The following MED12 variants were observed in gnomAD, a reference collection of about 807,000 sequenced individuals.
MED12 encodes the protein mediator complex subunit 12.
A neutral mutation model predicts 177.7 loss-of-function variants in MED12; 10 were observed. The ratio of observed to expected loss-of-function variants is 0.06; its 90% CI spans 0.03 to 0.10. The LOEUF is 0.10. Ranked by LOEUF, MED12 falls within the 10% of genes least tolerant of loss-of-function variation. MED12 has a pLI of 1.00. For synonymous variants in MED12, 641 were observed against 678.4 expected, an observed-to-expected ratio of 0.94 and a Z score of 0.86; for missense variants, 867 against 1,780.8, an observed-to-expected ratio of 0.49 and a Z score of 9.23.
At position 71,131,997 on chromosome X, in the gene MED12, C is replaced by T. The variant is rs1359759094; in HGVS notation, c.4120-76C>T. On this transcript the variant is annotated intron_variant, in intron 29 of 44. Coordinates refer to ENST00000374080, the MANE Select transcript of MED12 (RefSeq NM_005120.3). ...CAGTGTTGTCCTTCTCCGTCATCTC[C>T]GATCTCTCCTACCATCTGCTTTCCT... 45 of 970,259 alleles carry T rather than the reference C, an allele frequency of 4.6e-5. No homozygotes were observed. In the East Asian group the frequency reaches 7.7e-4, roughly 17 times the overall value. The allele number at this position is 970,259 out of a possible 1,213,427, so 80.0% of individuals were successfully genotyped here. A position where few individuals can be genotyped will look rare whatever the true frequency, so the allele number is the denominator to read the frequency against.
At chrX:71,135,324 T>C in intron 36 of MED12, 71 bp downstream of exon 36, 1 of 1,119,980 alleles carries the variant, frequency 8.9e-7, no homozygotes, top group East Asian at 3.0e-5. Context: ...CTGCATCAGC[T>C]TTGTAGCTCC....
chrX:71,123,618 G>A lies in MED12; in HGVS notation c.1642G>A (p.Asp548Asn). ...GCGTTGTGGAGAATCAGAAGCCGCA[G>A]ATGAGAAGGGTTCCATCGCCTCTGG... The part of the protein sequence containing the change: ...AERCGESEAA[D>N]EKGSIASGSL... The change falls in exon 12 of 45, where the codon GAT becomes AAT. Residue 548 changes from aspartate (D) to asparagine (N), a missense_variant. By Grantham distance (23) the Asp-to-Asn change is conservative. Coordinates refer to ENST00000374080, the MANE Select transcript of MED12 (RefSeq NM_005120.3). The A allele has an allele frequency of 8.3e-7, 1 of 1,211,279 alleles. No individual in the cohort carries two copies. Among genetic ancestry groups the A allele is most frequent in the Non-Finnish European group, 1.1e-6 (1 of 895,174 alleles).
rs1350628654 is a variant in MED12 at position 71,129,747 on chromosome X, G to T, written c.3759G>T (p.Glu1253Asp). Residue 1253 changes from glutamate to aspartate, a missense_variant, in exon 27 of 45, where the codon GAG becomes GAT. Coordinates refer to ENST00000374080, the MANE Select transcript of MED12 (RefSeq NM_005120.3). ...TGGTEELPEE[E>D]GGGGSGGRRQ... is the part of the protein sequence containing the mutation. ...GAACAGAAGAACTTCCAGAGGAGGA[G>T]GGAGGAGGTGGCAGTGGTGGTCGGA... 8.3e-7 allele frequency: 1 copy of T among 1,204,726 alleles called. No homozygotes were observed. Among genetic ancestry groups the T allele is most frequent in the Non-Finnish European group, 1.1e-6 (1 of 892,429 alleles).
chrX:71,139,486 G>A (rs2092341103), intron 41 of MED12, among the ~76,000 whole-genome samples: 1 of 110,752 alleles, frequency 9.0e-6, no homozygotes, highest in South Asian at 3.8e-4. Flanking sequence ...ATGCTCAGCC[G>A]AAGAATTGAG....
intron 36 of MED12, among the ~76,000 whole-genome samples, chrX:71,136,000 ATCT>A (rs2092331323): frequency 1.0e-5 from 1 of 95,921 alleles, no homozygotes; most frequent in Non-Finnish European, 2.1e-5. Flanking sequence ...TTCTCTCCCG[ATCT>A]TCTCTCCCCA....
Position 71,141,362 on chromosome X carries a change from C to A in MED12, c.6400C>A (p.Gln2134Lys). 8.6e-7 allele frequency: 1 copy of A among 1,167,604 alleles called. No individual in the cohort carries two copies. Among genetic ancestry groups the A allele is most frequent in the Non-Finnish European group, 1.1e-6 (1 of 872,924 alleles). The stretch of plus-strand genomic sequence containing the variant: ...TCCTCCCCAACCCCAGCCCCAGTCC[C>A]AGCCCCAGGTAGCTGCTGGACTACA... ...AAPPQPQPQS[Q>K]PQFQRQGLQQ... The change falls in exon 43 of 45, where the codon CAG (glutamine) becomes AAG (lysine). Residue 2134 changes from glutamine to lysine, a missense_variant. By Grantham distance (53) the Gln-to-Lys change is moderately conservative (BLOSUM62 1). Around this residue, in one of 14 missense-constraint regions of MED12, gnomAD observed 236 missense variants for 345.2 expected, o/e 0.68. Transcript: ENST00000374080.
chrX:71,127,718 T>G, intron 21 of MED12, 175 bp from the exon 22 acceptor site: 1 of 496,963 alleles, frequency 2.0e-6, no homozygotes, highest in South Asian at 2.9e-5. Context: ...CCCAGTTCCT[T>G]ATTCCCATGT....
chrX:71,138,524 C>T (rs762216982), intron 41 of MED12, among the ~76,000 whole-genome samples: 7 of 109,137 alleles, frequency 6.4e-5, no homozygotes, highest in East Asian at 2.9e-4. Flanking sequence ...GATGGGGTTT[C>T]GCCATGTTGC....
intron 28 of MED12, among the ~76,000 whole-genome samples, chrX:71,131,214 TG>T (rs1259510724): frequency 9.6e-6 from 1 of 104,050 alleles, no homozygotes; most frequent in Non-Finnish European, 1.9e-5. Flanking sequence ...CTGCAACCTC[TG>T]CCTCCCAAGT....
intron 24 of MED12, 191 bp from the exon 25 acceptor site, chrX:71,128,923 A>AC: frequency 1.8e-6 from 1 of 565,873 alleles, no homozygotes; most frequent in Admixed American, 2.8e-5. Flanking sequence ...CCAATTTCTG[A>AC]CCCTTCAACT....
At chrX:71,120,622 T>C (rs2092286911) in intron 4 of MED12, among the ~76,000 whole-genome samples, 1 of 109,104 alleles carries the variant, frequency 9.2e-6, no homozygotes. Context: ...AGGATTTTTT[T>C]TTTTTTGAGA....
At chrX:71,141,765 G>A in intron 43 of MED12, 118 bp from the exon 44 acceptor site, 1 of 647,482 alleles carries the variant, frequency 1.5e-6, no homozygotes, top group Non-Finnish European at 2.5e-6. Context: ...TCATGCCACT[G>A]CACTCCAGCC....
rs757238633 is a variant in MED12 at position 71,128,587 on chromosome X, T to C, written c.3355-11T>C. 1.7e-6 allele frequency: 2 copies of C among 1,210,608 alleles called. No individual in the cohort carries two copies. The highest frequency in any genetic ancestry group is 1.1e-6 in the Non-Finnish European group (1 of 895,358). Reference sequence around the variant, plus strand: ...CACTGAGTCATGGTGTCTGTCTGTTTTTTCCTCCAGGTCAGTGACCTATCT... The same window carrying C: ...CACTGAGTCATGGTGTCTGTCTGTTCTTTCCTCCAGGTCAGTGACCTATCT... On this transcript the variant is annotated splice_polypyrimidine_tract_variant and intron_variant, in intron 23 of 44. Coordinates refer to ENST00000374080, the MANE Select transcript of MED12 (RefSeq NM_005120.3).
chrX:71,141,423 C>T lies in MED12; in HGVS notation c.6408+53C>T, dbSNP rs7051453. On this transcript the variant is annotated intron_variant, in intron 43 of 44. Coordinates refer to ENST00000374080, the MANE Select transcript of MED12 (RefSeq NM_005120.3). ...CAGGGACAGCTGCCCAGGTTGGGCACGCAGCCAGTGAACTGGGTTGGGGAC... is the reference window on the plus strand; with the variant it reads ...CAGGGACAGCTGCCCAGGTTGGGCATGCAGCCAGTGAACTGGGTTGGGGAC... 147,078 of 1,157,345 alleles carry T rather than the reference C, an allele frequency of 0.13. 6,776 individuals are homozygous for T. Among genetic ancestry groups the T allele is most frequent in the African/African-American group, 0.24 (13,421 of 55,310 alleles).
chrX:71,128,262 G>A, intron 22 of MED12, 34 bp from the exon 23 acceptor site: 3 of 1,211,503 alleles, frequency 2.5e-6, no homozygotes, highest in Non-Finnish European at 3.4e-6. Flanking sequence ...TGTGGAGCAA[G>A]GTTTTTCCTG....
At chrX:71,138,772 GAAAAGA>G (rs1400285161) in intron 41 of MED12, among the ~76,000 whole-genome samples, 2 of 109,693 alleles carry the variant, frequency 1.8e-5, no homozygotes, top group African/African-American at 6.6e-5. Context: ...AAAGAAGAAA[GAAAAGA>G]AAAAGAAAAA....
rs757363462 is a variant in MED12 at position 71,123,148 on chromosome X, C to T, written c.1539C>T (p.Ser513=). 3.3e-6 allele frequency: 4 copies of T among 1,211,372 alleles called. No individual in the cohort carries two copies. In the South Asian group the frequency reaches 7.0e-5, roughly 21 times the overall value. The change falls in exon 11 of 45, where the codon AGC becomes AGT. Residue 513 remains serine, a synonymous_variant. Transcript: ENST00000374080. ...CATTGCTATGTGAATGGGCTGTCAGCTGCAAGCGTTCTGGTCGGCATCGTG... is the reference window on the plus strand; with the variant it reads ...CATTGCTATGTGAATGGGCTGTCAGTTGCAAGCGTTCTGGTCGGCATCGTG... ...VVSLLCEWAV[S]CKRSGRHRAM...
At chrX:71,123,451 G>A (rs1278704156) in intron 11 of MED12, 143 bp from the exon 12 acceptor site, 2 of 794,888 alleles carry the variant, frequency 2.5e-6, no homozygotes, top group Non-Finnish European at 3.7e-6. Flanking sequence ...GTTGGGAGGT[G>A]GTAAAGAACA....
intron 41 of MED12, among the ~76,000 whole-genome samples, chrX:71,138,931 T>C (rs1453559656): frequency 9.0e-6 from 1 of 111,614 alleles, no homozygotes; most frequent in Non-Finnish European, 1.9e-5. Flanking sequence ...AGTTGAGGCC[T>C]TGTAACCATG....
Sources: gnomAD v4.1 joint callset for allele counts (sites outside exome capture counted in the v4.1 genomes callset) on GRCh38, gnomAD v4.1.1 for gene constraint, gnomAD v4.1.1 regional missense constraint, MANE v1.5 for transcripts, NCBI Gene and HGNC (gene_info 2026-07-23, HGNC 2026-07-21) for gene names.